The following SLC35A2 variants were observed in gnomAD, a reference collection of about 807,000 sequenced individuals.
SLC35A2 encodes the protein solute carrier family 35 member A2.
In SLC35A2, 1 loss-of-function variant was observed where a neutral mutation model predicts 17.3. The ratio of observed to expected loss-of-function variants is 0.06; its 90% CI spans 0.02 to 0.27. The LOEUF is 0.27. Among genes scored for constraint, SLC35A2 ranks in the 10% least tolerant of loss-of-function variants. The pLI is 1.00. For synonymous variants in SLC35A2, 161 were observed against 161.3 expected, an observed-to-expected ratio of 1.00 and a Z score of 0.01; for missense variants, 191 against 339.3, an observed-to-expected ratio of 0.56 and a Z score of 3.43.
Position 48,903,189 on chromosome X carries a change from TACACA to T in SLC35A2, c.*244_*248del. 1 of 1,130,131 alleles carries T rather than the reference TACACA, an allele frequency of 8.8e-7. No homozygotes were observed. Among genetic ancestry groups the T allele is most frequent in the African/African-American group, 1.8e-5 (1 of 55,625 alleles). 93.1% of individuals were successfully genotyped at this position (1,130,131 alleles called of 1,213,427 possible). A position where few individuals can be genotyped will look rare whatever the true frequency, so the allele number is the denominator to read the frequency against. ...GGCTGCCCAACCCAAGTCGGCAAGA[TACACA>T]ACACATTTTATTTGCAAAAACTCAG... On this transcript the variant is annotated 3_prime_UTR_variant, in exon 5 of 5. Coordinates refer to ENST00000247138, the MANE Select transcript of SLC35A2 (RefSeq NM_005660.3).
intron 4 of SLC35A2, chrX:48,904,393 C>T: frequency 9.2e-7 from 1 of 1,082,479 alleles, no homozygotes; most frequent in African/African-American, 1.9e-5. Flanking sequence ...GACGAGAAAC[C>T]TCCAGAAGAG....
chrX:48,903,295 G>A lies in SLC35A2; in HGVS notation c.*143C>T, dbSNP rs1557042045. The A allele has an allele frequency of 1.5e-6, 1 of 676,496 alleles. No homozygotes were observed. The highest frequency in any genetic ancestry group is 2.2e-5 in the African/African-American group (1 of 46,279). The allele number at this position is 676,496 out of a possible 1,213,427, so 55.8% of individuals were successfully genotyped here. On this transcript the variant is annotated 3_prime_UTR_variant, in exon 5 of 5. Coordinates refer to ENST00000247138, the MANE Select transcript of SLC35A2 (RefSeq NM_005660.3). ...GTCATGAGAGAGCTTAGTCATGTTG[G>A]CCCTGGGTGGGGCAGGGGTGGTGGG... is the stretch of plus-strand genomic sequence containing the variant.
At chrX:48,903,901 A>G in intron 4 of SLC35A2, 1 of 775,468 alleles carries the variant, frequency 1.3e-6, no homozygotes, top group African/African-American at 2.3e-5. Context: ...CCAGACGGAT[A>G]TCAAGAGTAT....
At chrX:48,908,231 T>G (rs2063505751) in intron 2 of SLC35A2, among the ~76,000 whole-genome samples, 2 of 106,290 alleles carry the variant, frequency 1.9e-5, no homozygotes, top group Admixed American at 1.0e-4. Flanking sequence ...TTCTCCTGCC[T>G]CAGCCTCCCT....
In SLC35A2 at chrX:48,905,050, C is replaced by T; in HGVS notation, c.859G>A (p.Val287Met). 1.7e-6 allele frequency: 2 copies of T among 1,211,238 alleles called. No individual in the cohort carries two copies. The highest frequency in any genetic ancestry group is 2.2e-6 in the Non-Finnish European group (2 of 895,042). The change falls in exon 4 of 5, where the codon GTG (valine) becomes ATG (methionine). Residue 287 changes from valine to methionine, a missense_variant. Val to Met is a conservative substitution (Grantham distance 21). Transcript: ENST00000247138. ...ATATTGTCAGCGTACTTGACAACCACAGCCACCAGTAGCCCGCCGAAGGCC... is the reference window on the plus strand; with the variant it reads ...ATATTGTCAGCGTACTTGACAACCATAGCCACCAGTAGCCCGCCGAAGGCC... ...NQAFGGLLVAVVVKYADNILK... is the reference protein window; with the variant it reads ...NQAFGGLLVAMVVKYADNILK...
chrX:48,910,267 G>A, intron 1 of SLC35A2: 1 of 1,150,600 alleles, frequency 8.7e-7, no homozygotes, highest in Non-Finnish European at 1.1e-6. Context: ...GGTAATGGCT[G>A]AGGCAAACCC....
At position 48,904,763 on chromosome X, in the gene SLC35A2, C is replaced by G; in HGVS notation, c.1146G>C (p.Thr382=). The G allele has an allele frequency of 8.3e-7, 1 of 1,211,556 alleles. No individual in the cohort carries two copies. The change falls in exon 4 of 5, where the codon ACG becomes ACC. Residue 382 remains threonine (T), a synonymous_variant. Transcript: ENST00000247138. ...GCACTGACTTTGGCAGAAAGGGCTC[C>G]GTGATGAGGTCTCCACGGTGGGAAG... The part of the protein sequence containing the change: ...QLSSHRGDLI[T]EPFLPKLLTK...
chrX:48,906,666 C>G (rs2063492912), intron 2 of SLC35A2, 123 bp from the exon 3 acceptor site: 1 of 611,623 alleles, frequency 1.6e-6, no homozygotes, highest in Non-Finnish European at 2.6e-6. Flanking sequence ...TCCCTGGAGG[C>G]TGGAATGAAG....
At chrX:48,905,575 A>C in intron 3 of SLC35A2, 93 bp from the exon 4 acceptor site, 1 of 854,466 alleles carries the variant, frequency 1.2e-6, no homozygotes, top group Non-Finnish European at 1.6e-6. Flanking sequence ...CCCAGGCACA[A>C]TGGAGGGACA....
chrX:48,904,681 T>C, intron 4 of SLC35A2, 65 bp downstream of exon 4: 1 of 1,207,466 alleles, frequency 8.3e-7, no homozygotes, highest in Non-Finnish European at 1.1e-6. Flanking sequence ...CCCAACACCC[T>C]CCACCCCAGT....
In SLC35A2 at chrX:48,909,688, G is replaced by A. The variant is rs782325373; in HGVS notation, c.274+126C>T. 8.8e-5 allele frequency: 52 copies of A among 589,725 alleles called. No homozygotes were observed. In the South Asian group the frequency reaches 1.5e-3, roughly 17 times the overall value. 48.6% of individuals were successfully genotyped at this position (589,725 alleles called of 1,213,427 possible). On this transcript the variant is annotated intron_variant, in intron 2 of 4. Coordinates refer to ENST00000247138, the MANE Select transcript of SLC35A2 (RefSeq NM_005660.3). ...GTGTAAGATGCCGCTACGCATAGCT[G>A]GAGTGGCGCTCCAGGCAGGTTGAGA...
At chrX:48,907,172 A>G (rs2063496878) in intron 2 of SLC35A2, among the ~76,000 whole-genome samples, 1 of 109,144 alleles carries the variant, frequency 9.2e-6, no homozygotes, top group Non-Finnish European at 1.9e-5. Context: ...CCATCTCAAA[A>G]AAAAAAAAAA....
chrX:48,903,187 G>A lies in SLC35A2; in HGVS notation c.*251C>T, dbSNP rs782361685. ...GAGGCTGCCCAACCCAAGTCGGCAAGATACACAACACATTTTATTTGCAAA... is the reference window on the plus strand; with the variant it reads ...GAGGCTGCCCAACCCAAGTCGGCAAAATACACAACACATTTTATTTGCAAA... On this transcript the variant is annotated 3_prime_UTR_variant, in exon 5 of 5. Coordinates refer to ENST00000247138, the MANE Select transcript of SLC35A2 (RefSeq NM_005660.3). 1.8e-6 allele frequency: 2 copies of A among 1,132,695 alleles called. No individual in the cohort carries two copies. Among genetic ancestry groups the A allele is most frequent in the Non-Finnish European group, 2.4e-6 (2 of 841,772 alleles). The allele number at this position is 1,132,695 out of a possible 1,213,427, so 93.3% of individuals were successfully genotyped here. A position where few individuals can be genotyped will look rare whatever the true frequency, so the allele number is the denominator to read the frequency against.
At position 48,905,081 on chromosome X, in the gene SLC35A2, G is replaced by A. The variant is rs782113085; in HGVS notation, c.828C>T (p.Leu276=). 23 of 1,209,876 alleles carry A rather than the reference G, an allele frequency of 1.9e-5. No homozygotes were observed. In the Admixed American group the frequency reaches 3.7e-4, roughly 20 times the overall value. Residue 276 remains leucine, a synonymous_variant, in exon 4 of 5, where the codon CTC becomes CTT. Coordinates refer to ENST00000247138, the MANE Select transcript of SLC35A2 (RefSeq NM_005660.3). ...GYTPAVWGVV[L]NQAFGGLLVA... is the part of the protein sequence containing the mutation. ...CCAGTAGCCCGCCGAAGGCCTGGTTGAGCACCACGCCCCAGACAGCAGGTG... is the reference window on the plus strand; with the variant it reads ...CCAGTAGCCCGCCGAAGGCCTGGTTAAGCACCACGCCCCAGACAGCAGGTG...
chrX:48,904,527 G>A, intron 4 of SLC35A2: 1 of 1,150,393 alleles, frequency 8.7e-7, no homozygotes, highest in Non-Finnish European at 1.2e-6. Flanking sequence ...AGGGGAAGGG[G>A]GTCACCCTAC....
intron 2 of SLC35A2, among the ~76,000 whole-genome samples, chrX:48,908,698 C>T (rs1384285717): frequency 1.8e-5 from 2 of 111,995 alleles, no homozygotes; most frequent in Middle Eastern, 4.6e-3. Context: ...CATTGCTAAC[C>T]CATCTACCCC....
At chrX:48,907,531 G>A (rs1421342874) in intron 2 of SLC35A2, among the ~76,000 whole-genome samples, 1 of 111,900 alleles carries the variant, frequency 8.9e-6, no homozygotes, top group Non-Finnish European at 1.9e-5. Flanking sequence ...ACAGGTGTAA[G>A]CCACCACACC....
chrX:48,904,657 G>A, intron 4 of SLC35A2, 89 bp downstream of exon 4: 1 of 1,209,266 alleles, frequency 8.3e-7, no homozygotes, highest in Non-Finnish European at 1.1e-6. Flanking sequence ...GTGGCGACTT[G>A]GGTCCTGCAG....
chrX:48,910,921 C>G (rs2063528296), intron 1 of SLC35A2, among the ~76,000 whole-genome samples: 1 of 110,456 alleles, frequency 9.1e-6, no homozygotes, highest in Admixed American at 9.6e-5. Flanking sequence ...TTTTTCCTTG[C>G]TCTACCCACA....
Sources: gnomAD v4.1 joint callset for allele counts (sites outside exome capture counted in the v4.1 genomes callset) on GRCh38, gnomAD v4.1.1 for gene constraint, MANE v1.5 for transcripts, NCBI Gene and HGNC (gene_info 2026-07-23, HGNC 2026-07-21) for gene names.